PTCHD4: variants seen among roughly 807,000 people sequenced by gnomAD.
PTCHD4 encodes patched domain containing 4.
Under a neutral mutation model 58.1 loss-of-function variants are expected in PTCHD4, and 33 were observed. The ratio of observed to expected loss-of-function variants is 0.57; its 90% confidence interval spans 0.43 to 0.76. The LOEUF (loss-of-function observed/expected upper bound fraction) is 0.76, where lower values mean the gene tolerates loss of function less well. Ranked by LOEUF, PTCHD4 falls within the 30% of genes least tolerant of loss-of-function variation. PTCHD4 has a pLI of 0.00. For missense variants in PTCHD4, 1,058 were observed against 1,027.1 expected, an observed-to-expected ratio of 1.03 and a Z score of -0.41; for synonymous variants, 478 against 409.6, an observed-to-expected ratio of 1.17 and a Z score of -2.02.
intron 1 of PTCHD4, among the ~76,000 whole-genome samples, chr6:48,106,234 A>C (rs886325854): frequency 6.6e-6 from 1 of 152,166 alleles, no homozygotes; most frequent in Admixed American, 6.5e-5. Context: ...CCAGCAACAC[A>C]TCAAAAAGCT....
In PTCHD4 at chr6:47,878,819, A is replaced by T; in HGVS notation, c.2016T>A (p.Thr672=). The change falls in exon 5 of 5, where the codon ACT becomes ACA. Residue 672 remains threonine, a synonymous_variant. Coordinates refer to ENST00000339488, the MANE Select transcript of PTCHD4 (RefSeq NM_001384253.1). ...CCAGAGGGTGGATCACTAGGAAAAA[A>T]GTCAGGATTAACACCAGGAGAACAC... is the stretch of plus-strand genomic sequence containing the variant. ...GFGVLLVLIL[T]FFLVIHPLGN... 1 of 1,613,698 alleles carries T rather than the reference A, an allele frequency of 6.2e-7. No homozygotes were observed. The highest frequency in any genetic ancestry group is 8.5e-7 in the Non-Finnish European group (1 of 1,179,752).
At chr6:48,060,205 G>A (rs183735002) in intron 3 of PTCHD4, among the ~76,000 whole-genome samples, 101 of 152,252 alleles carry the variant, frequency 6.6e-4, no homozygotes, top group African/African-American at 2.1e-3. Context: ...TTACCCACAC[G>A]ATGTCTGTCT....
rs1296832104 is a variant in PTCHD4, at chr6:47,960,952, CTT to C, written c.898+47680_898+47681del. Among the ~76,000 whole-genome samples the C allele has an allele frequency of 1.1e-3, 156 of 137,992 alleles. 1 individual carries two copies. In the South Asian group the frequency reaches 0.031, roughly 27 times the overall value. 90.5% of individuals were successfully genotyped at this position (137,992 alleles called of 152,430 possible). A position where few individuals can be genotyped will look rare whatever the true frequency, so the allele number is the denominator to read the frequency against. ...CTATCAATTGTCTTGACCTAGCTGCCTTTTTTTTTTAAAAAAAAAAAAAAAAA... is the reference window on the plus strand; with the variant it reads ...CTATCAATTGTCTTGACCTAGCTGCCTTTTTTTTAAAAAAAAAAAAAAAAA... On this transcript the variant is annotated intron_variant, in intron 4 of 4. Coordinates refer to ENST00000339488, the MANE Select transcript of PTCHD4 (RefSeq NM_001384253.1).
At chr6:48,007,583 C>T (rs1762491366) in intron 4 of PTCHD4, among the ~76,000 whole-genome samples, 1 of 152,184 alleles carries the variant, frequency 6.6e-6, no homozygotes, top group Non-Finnish European at 1.5e-5. Context: ...AGAGGTAGCG[C>T]TTCTCTTTAT....
intron 3 of PTCHD4, among the ~76,000 whole-genome samples, chr6:48,048,567 G>T (rs1364357114): frequency 1.3e-5 from 2 of 151,908 alleles, no homozygotes; most frequent in Non-Finnish European, 2.9e-5. Context: ...TAAGGCTGTG[G>T]AGGATGGCCT....
chr6:48,001,835 G>A (rs1367645846), intron 4 of PTCHD4, among the ~76,000 whole-genome samples: 4 of 152,136 alleles, frequency 2.6e-5, no homozygotes, highest in Non-Finnish European at 4.4e-5. Flanking sequence ...CTACAGAATG[G>A]AAGAAAATTT....
intron 1 of PTCHD4, among the ~76,000 whole-genome samples, chr6:48,072,221 G>A (rs899479227): frequency 1.2e-4 from 19 of 152,078 alleles, no homozygotes; most frequent in African/African-American, 4.6e-4. Context: ...TTGTGCACAA[G>A]ATATTTGTCT....
chr6:48,063,875 T>C (rs1183613582), intron 3 of PTCHD4, among the ~76,000 whole-genome samples: 1 of 152,174 alleles, frequency 6.6e-6, no homozygotes, highest in Non-Finnish European at 1.5e-5. Flanking sequence ...GTAATGCTGG[T>C]CCTCACTTTT....
intron 4 of PTCHD4, among the ~76,000 whole-genome samples, chr6:47,983,376 C>T (rs942632780): frequency 6.6e-6 from 1 of 152,062 alleles, no homozygotes; most frequent in East Asian, 1.9e-4. Context: ...TTGAATTTCA[C>T]AAGACAAACG....
rs1002155189 is a variant in PTCHD4 at position 47,886,528 on chromosome 6, A to G, written c.899-6592T>C. Among the ~76,000 whole-genome samples the G allele has an allele frequency of 1.3e-5, 2 of 152,200 alleles. 1 individual carries two copies. The highest frequency in any genetic ancestry group is 4.8e-5 in the African/African-American group (2 of 41,458). ...TTATGACCTGTTCCAAAGAAAGCTT[A>G]CTACTTTCCCTTAGAAGTTATTTCT... On this transcript the variant is annotated intron_variant, in intron 4 of 4. Transcript: ENST00000339488.
chr6:48,066,022 G>A (rs1764783246), intron 3 of PTCHD4, among the ~76,000 whole-genome samples: 1 of 151,966 alleles, frequency 6.6e-6, no homozygotes, highest in Non-Finnish European at 1.5e-5. Flanking sequence ...GCCTAGCATG[G>A]TGTTGGGTCA....
At chr6:48,050,540 A>G (rs776711963) in intron 3 of PTCHD4, among the ~76,000 whole-genome samples, 1 of 152,014 alleles carries the variant, frequency 6.6e-6, no homozygotes, top group Non-Finnish European at 1.5e-5. Context: ...TTACTTAACT[A>G]TCTGTGCCTC....
chr6:48,105,360 C>CATA (rs1554183062), intron 1 of PTCHD4, among the ~76,000 whole-genome samples: 2 of 150,400 alleles, frequency 1.3e-5, no homozygotes, highest in African/African-American at 2.4e-5. Context: ...CTACTGGGTA[C>CATA]ACGAAATGAA....
Position 47,904,165 on chromosome 6 carries a change from T to G in PTCHD4, c.899-24229A>C, listed in dbSNP as rs114551899. On this transcript the variant is annotated intron_variant, in intron 4 of 4. Transcript: ENST00000339488. ...CACAGCAAAGACCTTGGATTTTGCATAGAATAAGATGGGAGGCCATTAGAT... is the reference window on the plus strand; with the variant it reads ...CACAGCAAAGACCTTGGATTTTGCAGAGAATAAGATGGGAGGCCATTAGAT... 6.8e-3 allele frequency among the ~76,000 whole-genome samples: 1,043 copies of G among 152,288 alleles called. 4 individuals carry two copies. The highest frequency in any genetic ancestry group is 0.01 in the Non-Finnish European group (692 of 68,022).
chr6:47,894,302 T>A (rs894499442), intron 4 of PTCHD4, among the ~76,000 whole-genome samples: 1 of 152,208 alleles, frequency 6.6e-6, no homozygotes, highest in African/African-American at 2.4e-5. Context: ...TAAACAGAAG[T>A]TCTTTCAAAA....
chr6:47,945,158 G>T (rs552341136), intron 4 of PTCHD4, among the ~76,000 whole-genome samples: 1 of 151,982 alleles, frequency 6.6e-6, no homozygotes. Context: ...TAATCATTAG[G>T]TACAATGCTA....
At chr6:48,051,953 C>G (rs1049667775) in intron 3 of PTCHD4, among the ~76,000 whole-genome samples, 1 of 151,992 alleles carries the variant, frequency 6.6e-6, no homozygotes, top group African/African-American at 2.4e-5. Flanking sequence ...GACTGTGCTG[C>G]TAACTTCCTA....
intron 3 of PTCHD4, among the ~76,000 whole-genome samples, chr6:48,052,503 C>T (rs1764269037): frequency 1.3e-5 from 2 of 151,686 alleles, no homozygotes; most frequent in Non-Finnish European, 2.9e-5. Flanking sequence ...AACAGAGCTC[C>T]CTGAAGTGCG....
intron 4 of PTCHD4, among the ~76,000 whole-genome samples, chr6:47,948,983 T>A (rs1766519896): frequency 6.6e-6 from 1 of 152,238 alleles, no homozygotes; most frequent in African/African-American, 2.4e-5. Context: ...AAAGCAAGTA[T>A]CTTCGTTTCT....
Sources: gnomAD v4.1 joint callset for allele counts (sites outside exome capture counted in the v4.1 genomes callset) on GRCh38, gnomAD v4.1.1 for gene constraint, MANE v1.5 for transcripts, NCBI Gene and HGNC (gene_info 2026-07-23, HGNC 2026-07-21) for gene names.